The following NFASC variants were observed in gnomAD, a reference collection of about 807,000 sequenced individuals.
NFASC encodes neurofascin.
A neutral mutation model predicts 147.5 loss-of-function variants in NFASC; 43 were observed. The observed-to-expected ratio is 0.29, with a 90% CI of 0.23 to 0.38. The LOEUF (loss-of-function observed/expected upper bound fraction) is 0.38. Ranked by LOEUF, NFASC falls within the 10% of genes least tolerant of loss-of-function variation. The pLI is 1.00. For missense variants in NFASC, 1,320 were observed against 1,689.0 expected (o/e 0.78, Z 3.83); for synonymous variants, 622 against 665.5 (o/e 0.93, Z 1.01).
intron 11 of NFASC, among the ~76,000 whole-genome samples, chr1:204,971,179 A>G (rs781315983): frequency 2.0e-5 from 3 of 152,148 alleles, no homozygotes; most frequent in Non-Finnish European, 4.4e-5. Context: ...GCTAAGGGCA[A>G]AAGAAGAAGC....
intron 1 of NFASC, among the ~76,000 whole-genome samples, chr1:204,830,266 G>A (rs1229292979): frequency 1.3e-5 from 2 of 152,186 alleles, no homozygotes; most frequent in African/African-American, 4.8e-5. Context: ...TGGAGCCAAA[G>A]CCAGCCTCAG....
In NFASC at chr1:204,968,049, C is replaced by T. The variant is rs2095056891; in HGVS notation, c.707-200C>T. ...GATCCTTTCAGAACCTAGAGCTCCT[C>T]TCTCTCATGTAGGTGGGGCTGAGGA... On this transcript the variant is annotated intron_variant, in intron 8 of 29. Coordinates refer to ENST00000339876, the MANE Select transcript of NFASC (RefSeq NM_001005388.3). The surrounding 1 kb of genome is among the most constrained non-coding windows in gnomAD (Gnocchi z 5.4). The T allele has an allele frequency of 1.8e-6, 1 of 542,786 alleles. No homozygotes were observed. The highest frequency in any genetic ancestry group is 3.3e-6 in the Non-Finnish European group (1 of 301,264). 33.6% of individuals were successfully genotyped at this position (542,786 alleles called of 1,614,324 possible). A position where few individuals can be genotyped will look rare whatever the true frequency, so the allele number is the denominator to read the frequency against.
chr1:204,963,236 G>C (rs1230833183), intron 8 of NFASC, among the ~76,000 whole-genome samples: 1 of 152,212 alleles, frequency 6.6e-6, no homozygotes, highest in Non-Finnish European at 1.5e-5. Context: ...TCCTGCCAAA[G>C]AGATTCACTA....
At chr1:204,843,300 A>G (rs1675914551) in intron 1 of NFASC, among the ~76,000 whole-genome samples, 1 of 152,164 alleles carries the variant, frequency 6.6e-6, no homozygotes, top group Non-Finnish European at 1.5e-5. Context: ...TGAACATGTT[A>G]TTGAGATGGT....
At chr1:204,951,880 C>T (rs1048294017) in intron 4 of NFASC, 131 bp from the exon 5 acceptor site, 11 of 649,198 alleles carry the variant, frequency 1.7e-5, no homozygotes, top group South Asian at 3.7e-5. Flanking sequence ...CCCTGTTCAC[C>T]GCCCCCCACA....
At chr1:204,965,281 T>C (rs1240509177) in intron 8 of NFASC, among the ~76,000 whole-genome samples, 1 of 152,188 alleles carries the variant, frequency 6.6e-6, no homozygotes, top group Non-Finnish European at 1.5e-5. Context: ...TTTCATCTAG[T>C]AATCACTGTT....
At position 204,906,885 on chromosome 1, in the gene NFASC, A is replaced by T. The variant is rs12097860; in HGVS notation, c.-199-13747A>T. On this transcript the variant is annotated intron_variant, in intron 1 of 29. Coordinates refer to ENST00000339876, the MANE Select transcript of NFASC (RefSeq NM_001005388.3). ...TTTTTAGTAGAGACGGGGTTTCACCATGTTAGCCAGGATGGTCTGCATCTC... is the reference window on the plus strand; with the variant it reads ...TTTTTAGTAGAGACGGGGTTTCACCTTGTTAGCCAGGATGGTCTGCATCTC... Among the ~76,000 whole-genome samples, 92 of 152,150 alleles carry T rather than the reference A, an allele frequency of 6.0e-4. 3 individuals carry two copies. The South Asian group carries it at 0.013, about 22-fold the overall frequency.
Position 204,920,683 on chromosome 1 carries a change from A to G in NFASC, c.-148A>G. On this transcript the variant is annotated 5_prime_UTR_variant, in exon 2 of 30. Transcript: ENST00000339876. ...ACGCTGGAGTTTACCTTCCCTCCGCAGCCTGGAACAGAGCCTCCTCTGGTG... is the reference window on the plus strand; with the variant it reads ...ACGCTGGAGTTTACCTTCCCTCCGCGGCCTGGAACAGAGCCTCCTCTGGTG... The G allele has an allele frequency of 7.8e-7, 1 of 1,289,554 alleles. No individual in the cohort carries two copies. Among genetic ancestry groups the G allele is most frequent in the Non-Finnish European group, 1.0e-6 (1 of 988,802 alleles). The allele number at this position is 1,289,554 out of a possible 1,614,324, so 79.9% of individuals were successfully genotyped here.
In NFASC at chr1:205,016,984, G is replaced by A. The variant is rs530549179; in HGVS notation, c.*445G>A. 5 of 295,526 alleles carry A rather than the reference G, an allele frequency of 1.7e-5. No individual in the cohort carries two copies. The highest frequency in any genetic ancestry group is 6.7e-5 in the South Asian group (2 of 30,070). 18.3% of individuals were successfully genotyped at this position (295,526 alleles called of 1,614,324 possible). A position where few individuals can be genotyped will look rare whatever the true frequency, so the allele number is the denominator to read the frequency against. ...TGAAAAAGAGTCCCTGGAAAAGAAAGAATAAGTGGATTCTCCCCCAGGAGA... is the reference window on the plus strand; with the variant it reads ...TGAAAAAGAGTCCCTGGAAAAGAAAAAATAAGTGGATTCTCCCCCAGGAGA... On this transcript the variant is annotated 3_prime_UTR_variant, in exon 30 of 30. Transcript: ENST00000339876. The surrounding 1 kb of genome is among the most constrained non-coding windows in gnomAD (Gnocchi z 5.1).
At chr1:205,001,081 A>G (rs2095973421) in intron 25 of NFASC, 89 bp from the exon 26 acceptor site, 10 of 768,484 alleles carry the variant, frequency 1.3e-5, no homozygotes, top group Non-Finnish European at 2.3e-5. Context: ...ATGTGCGTGC[A>G]TGCACACGCT....
At chr1:204,993,497 G>T (rs1164655621) in intron 24 of NFASC, among the ~76,000 whole-genome samples, 4 of 152,172 alleles carry the variant, frequency 2.6e-5, no homozygotes, top group Non-Finnish European at 5.9e-5. Flanking sequence ...CTCATGCATG[G>T]TGCTCCCTGA....
intron 8 of NFASC, among the ~76,000 whole-genome samples, chr1:204,963,681 G>C (rs183156657): frequency 6.6e-6 from 1 of 152,326 alleles, no homozygotes; most frequent in East Asian, 1.9e-4. Flanking sequence ...CTCAATCCAG[G>C]GTAGGACGGA....
intron 1 of NFASC, among the ~76,000 whole-genome samples, chr1:204,860,743 T>C (rs1164169541): frequency 6.6e-6 from 1 of 152,224 alleles, no homozygotes; most frequent in African/African-American, 2.4e-5. Context: ...TCACTTCCCA[T>C]TCTTTCTTCC....
At chr1:204,978,817 A>C in intron 17 of NFASC, 151 bp from the exon 18 acceptor site, 1 of 559,750 alleles carries the variant, frequency 1.8e-6, no homozygotes, top group African/African-American at 1.9e-5. Flanking sequence ...GTGGGAAGGG[A>C]GTGGTCCCTG....
chr1:204,870,707 G>C (rs1307098520), intron 1 of NFASC: 13 of 1,099,216 alleles, frequency 1.2e-5, no homozygotes, highest in Middle Eastern at 4.3e-4. Flanking sequence ...AGGGGTGAGT[G>C]GTTATTAATA....
Position 204,946,449 on chromosome 1 carries a change from C to T in NFASC, c.91+2043C>T, listed in dbSNP as rs557661974. ...GCCATTCCAGATGCTCTGGCTGTGT[C>T]GGGGCAGGAGACCCAGGCTGCCCGG... is the stretch of plus-strand genomic sequence containing the variant. On this transcript the variant is annotated intron_variant, in intron 3 of 29. Coordinates refer to ENST00000339876, the MANE Select transcript of NFASC (RefSeq NM_001005388.3). 1.2e-3 allele frequency: 520 copies of T among 427,922 alleles called. 4 individuals are homozygous for T. The highest frequency in any genetic ancestry group is 3.3e-3 in the African/African-American group (166 of 49,788). 26.5% of individuals were successfully genotyped at this position (427,922 alleles called of 1,614,324 possible).
chr1:204,852,303 AGCCTG>A (rs2075768511), intron 1 of NFASC, among the ~76,000 whole-genome samples: 1 of 152,210 alleles, frequency 6.6e-6, no homozygotes, highest in Non-Finnish European at 1.5e-5. Context: ...GTTCAAGACC[AGCCTG>A]GCCAAAATGG....
At chr1:204,992,506 C>G (rs560334305) in intron 24 of NFASC, among the ~76,000 whole-genome samples, 3 of 152,180 alleles carry the variant, frequency 2.0e-5, no homozygotes, top group Non-Finnish European at 4.4e-5. Flanking sequence ...TCCCTCAGTC[C>G]TCAACATTCA....
At chr1:204,995,350 G>A (rs35454853) in intron 24 of NFASC, among the ~76,000 whole-genome samples, 30 of 126,546 alleles carry the variant, frequency 2.4e-4, no homozygotes, top group African/African-American at 3.5e-4. Flanking sequence ...GTGTGTGTGT[G>A]TGTATGTGTG....
Sources: gnomAD v4.1 joint callset for allele counts (sites outside exome capture counted in the v4.1 genomes callset) on GRCh38, gnomAD v4.1.1 for gene constraint, Gnocchi (gnomAD v3.1) non-coding constraint, MANE v1.5 for transcripts, NCBI Gene and HGNC (gene_info 2026-07-23, HGNC 2026-07-21) for gene names.